The following KRT7 variants were observed in gnomAD, a reference collection of about 807,000 sequenced individuals.
KRT7 encodes keratin 7, also known as keratin, type II cytoskeletal 7.
A neutral mutation model predicts 42.8 loss-of-function variants in KRT7; 50 were observed. That is an observed-to-expected ratio of 1.17 (90% CI 0.93 to 1.48). The LOEUF is 1.48. Among genes scored for constraint, KRT7 ranks in the 40% most tolerant of loss-of-function variants. KRT7 has a pLI of 0.00. For missense variants in KRT7, 588 were observed against 637.6 expected (o/e 0.92, Z 0.84); for synonymous variants, 268 against 266.3 (o/e 1.01, Z -0.06).
In KRT7 at chr12:52,245,465, G is replaced by A. The variant is rs775241475; in HGVS notation, c.1038G>A (p.Ala346=). ...IAEAEERGEL[A]LKDARAKQEE... ...AGGCTGAGGAGCGTGGGGAGCTGGC[G>A]CTCAAGGATGCTCGTGCCAAGCAGG... The change falls in exon 7 of 9, where the codon GCG becomes GCA. Residue 346 remains alanine, a synonymous_variant. Coordinates refer to ENST00000331817, the MANE Select transcript of KRT7 (RefSeq NM_005556.4). The A allele has an allele frequency of 2.7e-5, 43 of 1,614,032 alleles. No individual in the cohort carries two copies. The highest frequency in any genetic ancestry group is 3.5e-5 in the Non-Finnish European group (41 of 1,179,984).
chr12:52,252,054 A>G, downstream of KRT7: 1 of 760,070 alleles, frequency 1.3e-6, no homozygotes, highest in African/African-American at 1.7e-5. Context: ...ACGCCCTCAC[A>G]CAACCTTATA....
At chr12:52,248,135 G>A (rs1463059257) in intron 7 of KRT7, 42 bp from the exon 8 acceptor site, 7 of 1,605,872 alleles carry the variant, frequency 4.4e-6, no homozygotes, top group Middle Eastern at 1.7e-4. Flanking sequence ...TCCCTCCCAC[G>A]CTAGGAAAGA....
At chr12:52,250,526 G>A (rs1046054359), downstream of KRT7, 35 of 888,164 alleles carry the variant, frequency 3.9e-5, no homozygotes, top group Non-Finnish European at 5.7e-5. Flanking sequence ...CACACAGGCC[G>A]GTGCTCACCG....
At chr12:52,236,004 G>T (rs971210440) in intron 2 of KRT7, among the ~76,000 whole-genome samples, 1 of 152,124 alleles carries the variant, frequency 6.6e-6, no homozygotes, top group African/African-American at 2.4e-5. Context: ...GGGCTTTTGA[G>T]GACAGGTCTT....
In KRT7 at chr12:52,237,532, G is replaced by T; in HGVS notation, c.560G>T (p.Arg187Leu). ...KNKYEDEINHRTAAENEFVVL... is the reference protein window; with the variant it reads ...KNKYEDEINHLTAAENEFVVL... ...AGGTACGAAGATGAAATTAACCACCGCACAGCTGCTGAGAATGAGTTTGTG... is the reference window on the plus strand; with the variant it reads ...AGGTACGAAGATGAAATTAACCACCTCACAGCTGCTGAGAATGAGTTTGTG... Residue 187 changes from arginine to leucine, a missense_variant, in exon 3 of 9, where the codon CGC (arginine) becomes CTC (leucine). Physicochemically the swap from Arg to Leu is moderately radical, Grantham distance 102. Transcript: ENST00000331817. 1 of 1,611,854 alleles carries T rather than the reference G, an allele frequency of 6.2e-7. No homozygotes were observed. Among genetic ancestry groups the T allele is most frequent in the South Asian group, 1.1e-5 (1 of 90,766 alleles).
At chr12:52,254,299 C>T (rs1398499200), downstream of KRT7, 1 of 986,338 alleles carries the variant, frequency 1.0e-6, no homozygotes, top group Non-Finnish European at 1.6e-6. Context: ...GGAAGTCGAT[C>T]TCCTGGGTCA....
chr12:52,246,323 A>C (rs1441315188), intron 7 of KRT7: 1 of 152,242 alleles, frequency 6.6e-6, no homozygotes, highest in Non-Finnish European at 1.5e-5. Context: ...GCAACAGAGA[A>C]TACGTAGGAC....
intron 6 of KRT7, 132 bp from the exon 7 acceptor site, chr12:52,245,280 C>A: frequency 1.2e-6 from 1 of 820,084 alleles, no homozygotes; most frequent in East Asian, 2.7e-5. Context: ...CCTTAGGATT[C>A]TCTGGTACTT....
chr12:52,235,068 T>G, intron 1 of KRT7, 87 bp from the exon 2 acceptor site: 4 of 1,284,070 alleles, frequency 3.1e-6, no homozygotes, highest in Non-Finnish European at 4.5e-6. Context: ...ATGGCTCTGC[T>G]AAGTGGCTAA....
At chr12:52,233,724 C>T (rs1941959655) in intron 1 of KRT7, 104 bp downstream of exon 1, 5 of 1,127,984 alleles carry the variant, frequency 4.4e-6, no homozygotes, top group Non-Finnish European at 6.7e-6. Flanking sequence ...GGGAGCACTG[C>T]CGCCCTTCTG....
intron 4 of KRT7, 132 bp from the exon 5 acceptor site, chr12:52,241,340 C>T (rs1942085560): frequency 2.7e-6 from 2 of 730,320 alleles, no homozygotes; most frequent in Non-Finnish European, 4.5e-6. Context: ...GGTCTGGGCC[C>T]CCTTGCTGCC....
Position 52,248,749 on chromosome 12 carries a change from G to A in KRT7, c.1399G>A (p.Ala467Thr). ...GACCGCATCCGCCAGTCGCAGGAGT[G>A]CCCGCGACTGAGCCGCCTCCCACCA... is the stretch of plus-strand genomic sequence containing the variant. ...IRTASASRRS[A>T]RD Residue 467 changes from alanine (A) to threonine (T), a missense_variant, in exon 9 of 9, where the codon GCC becomes ACC. Physicochemically the swap from Ala to Thr is moderately conservative, Grantham distance 58. Coordinates refer to ENST00000331817, the MANE Select transcript of KRT7 (RefSeq NM_005556.4). 6 of 1,568,850 alleles carry A rather than the reference G, an allele frequency of 3.8e-6. No individual in the cohort carries two copies. Among genetic ancestry groups the A allele is most frequent in the Non-Finnish European group, 5.2e-6 (6 of 1,160,322 alleles).
At chr12:52,235,854 G>A (rs1391237817) in intron 2 of KRT7, among the ~76,000 whole-genome samples, 1 of 152,184 alleles carries the variant, frequency 6.6e-6, no homozygotes, top group Non-Finnish European at 1.5e-5. Flanking sequence ...CTGACTCCTA[G>A]GAGAGGACAC....
chr12:52,247,515 G>A (rs1297915435), intron 7 of KRT7: 1 of 152,478 alleles, frequency 6.6e-6, no homozygotes, highest in Non-Finnish European at 1.5e-5. Flanking sequence ...CCAAGGCCAA[G>A]GCCTTGGTGA....
rs1387693533 is a variant in KRT7, at chr12:52,238,790, G to T, written c.693+15G>T. The T allele has an allele frequency of 6.7e-7, 1 of 1,503,178 alleles. No homozygotes were observed. Among genetic ancestry groups the T allele is most frequent in the Non-Finnish European group, 9.3e-7 (1 of 1,078,640 alleles). 93.1% of individuals were successfully genotyped at this position (1,503,178 alleles called of 1,614,324 possible). The stretch of plus-strand genomic sequence containing the variant: ...TCAATGAGACGGTGAGGACCATGGA[G>T]CTGGGTGACATGTCTTATCCTACCC... On this transcript the variant is annotated intron_variant, in intron 4 of 8. Coordinates refer to ENST00000331817, the MANE Select transcript of KRT7 (RefSeq NM_005556.4).
In KRT7 at chr12:52,240,924, T is replaced by TC. The variant is rs200747634; in HGVS notation, c.694-542dup. 9.4e-5 allele frequency among the ~76,000 whole-genome samples: 9 copies of TC among 95,306 alleles called. No individual in the cohort carries two copies. In the Admixed American group the frequency reaches 9.8e-4, roughly 10 times the overall value. The allele number at this position is 95,306 out of a possible 152,430, so 62.5% of individuals were successfully genotyped here. A position where few individuals can be genotyped will look rare whatever the true frequency, so the allele number is the denominator to read the frequency against. ...TTCTCCTAATGCTATCACTCCCCCC[T>TC]CCCCCCACGCCCCCGACAGGCCCCG... On this transcript the variant is annotated intron_variant, in intron 4 of 8. Coordinates refer to ENST00000331817, the MANE Select transcript of KRT7 (RefSeq NM_005556.4).
downstream of KRT7, chr12:52,252,272 C>T (rs528722524): frequency 4.5e-5 from 73 of 1,613,036 alleles, no homozygotes; most frequent in Admixed American, 9.0e-4. Context: ...CTCTGCTCCT[C>T]GCCCTCCAGC....
At chr12:52,254,675 G>T (rs1942315763), downstream of KRT7, among the ~76,000 whole-genome samples, 1 of 152,156 alleles carries the variant, frequency 6.6e-6, no homozygotes, top group Non-Finnish European at 1.5e-5. Flanking sequence ...GGTGTACAGT[G>T]GGTAAATTCT....
downstream of KRT7, chr12:52,252,495 G>A (rs1243647198): frequency 6.2e-7 from 1 of 1,613,292 alleles, no homozygotes; most frequent in Non-Finnish European, 8.5e-7. Flanking sequence ...GGAGGCAAGG[G>A]AGGGTTATTA....
Sources: allele counts gnomAD v4.1 joint callset (sites outside exome capture counted in the v4.1 genomes callset), GRCh38; gene constraint gnomAD v4.1.1; transcripts MANE v1.5; gene names NCBI Gene and HGNC (gene_info 2026-07-23, HGNC 2026-07-21).